BNC2: variants seen among roughly 807,000 people sequenced by gnomAD.
BNC2 encodes the protein zinc finger protein basonuclin-2.
In BNC2, 20 loss-of-function variants were observed where a neutral mutation model predicts 76.3. The observed-to-expected ratio is 0.26, with a 90% CI of 0.18 to 0.38. The LOEUF (loss-of-function observed/expected upper bound fraction) is 0.38, where lower values mean the gene tolerates loss of function less well. Ranked by LOEUF, BNC2 falls within the 10% of genes least tolerant of loss-of-function variation. The probability of loss-of-function intolerance (pLI) is 1.00; values close to 1 mark genes in which losing one functional copy is unlikely to be tolerated. For synonymous variants in BNC2, 582 were observed against 514.8 expected (o/e 1.13, Z -1.77); for missense variants, 1,382 against 1,399.8 (o/e 0.99, Z 0.20).
At chr9:16,550,078 G>T (rs535790756) in intron 5 of BNC2, among the ~76,000 whole-genome samples, 1 of 152,000 alleles carries the variant, frequency 6.6e-6, no homozygotes, top group Admixed American at 6.6e-5. Flanking sequence ...TAAAATAAGA[G>T]ATTTATAAAT....
At chr9:16,546,794 C>T (rs956314372) in intron 5 of BNC2, among the ~76,000 whole-genome samples, 7 of 152,288 alleles carry the variant, frequency 4.6e-5, no homozygotes, top group Middle Eastern at 3.4e-3. Flanking sequence ...ACTGCATCTA[C>T]AGACTCTCAC....
intron 1 of BNC2, among the ~76,000 whole-genome samples, chr9:16,745,292 GCTC>G (rs1049771661): frequency 6.6e-6 from 1 of 152,124 alleles, no homozygotes; most frequent in African/African-American, 2.4e-5. Context: ...GTTTTGCTTG[GCTC>G]CTCCTAAGTG....
At chr9:16,819,656 C>CA (rs532516155) in intron 1 of BNC2, among the ~76,000 whole-genome samples, 97 of 149,206 alleles carry the variant, frequency 6.5e-4, no homozygotes, top group Middle Eastern at 3.5e-3. Context: ...GATTCCTTCT[C>CA]AAAAAAAAAG....
intron 1 of BNC2, among the ~76,000 whole-genome samples, chr9:16,829,045 C>G (rs1476866256): frequency 6.6e-6 from 1 of 152,074 alleles, no homozygotes; most frequent in Non-Finnish European, 1.5e-5. Context: ...GGAGCCGGCA[C>G]GAGGCACCAG....
chr9:16,475,187 C>G (rs1821902832), intron 5 of BNC2, among the ~76,000 whole-genome samples: 1 of 152,148 alleles, frequency 6.6e-6, no homozygotes, highest in East Asian at 1.9e-4. Context: ...TTTTTCCAAG[C>G]CATAATGTTA....
rs1314924898 is a variant in BNC2, at chr9:16,673,436, A to AC, written c.330+54360_330+54361insG. On this transcript the variant is annotated intron_variant, in intron 3 of 6. Coordinates refer to ENST00000380672, the MANE Select transcript of BNC2 (RefSeq NM_017637.6). ...CAGGGAACATTCTGAGATTTAAAAAAAAAAAAAACACACACACACACACAC... is the reference window on the plus strand; with the variant it reads ...CAGGGAACATTCTGAGATTTAAAAAACAAAAAAAACACACACACACACACAC... 3.0e-3 allele frequency among the ~76,000 whole-genome samples: 360 copies of AC among 121,720 alleles called. 1 individual carries two copies. The highest frequency in any genetic ancestry group is 0.015 in the African/African-American group (342 of 22,968). 79.9% of individuals were successfully genotyped at this position (121,720 alleles called of 152,430 possible). A position where few individuals can be genotyped will look rare whatever the true frequency, so the allele number is the denominator to read the frequency against.
At chr9:16,732,450 G>C (rs1824540010) in intron 2 of BNC2, among the ~76,000 whole-genome samples, 1 of 152,148 alleles carries the variant, frequency 6.6e-6, no homozygotes, top group Admixed American at 6.5e-5. Context: ...TTACTGCACT[G>C]AGAAAGTACT....
At chr9:16,834,133 T>C (rs1255009083) in intron 1 of BNC2, among the ~76,000 whole-genome samples, 1 of 152,154 alleles carries the variant, frequency 6.6e-6, no homozygotes, top group Non-Finnish European at 1.5e-5. Flanking sequence ...CTGAGTAATA[T>C]TCTATCTGAA....
chr9:16,742,533 T>C (rs61238834), intron 1 of BNC2, among the ~76,000 whole-genome samples: 7,789 of 152,208 alleles, frequency 0.051, 683 homozygotes, highest in African/African-American at 0.18. Flanking sequence ...GACAAAGACA[T>C]TCATCTACTA....
At chr9:16,547,714 G>A (rs1818529945) in intron 5 of BNC2, among the ~76,000 whole-genome samples, 1 of 152,176 alleles carries the variant, frequency 6.6e-6, no homozygotes, top group African/African-American at 2.4e-5. Flanking sequence ...AGGTATTCCA[G>A]GCAGAAGAAA....
intron 1 of BNC2, among the ~76,000 whole-genome samples, chr9:16,863,317 G>A (rs957954936): frequency 6.6e-6 from 1 of 152,204 alleles, no homozygotes; most frequent in Non-Finnish European, 1.5e-5. Context: ...CTGGGGGAAA[G>A]ACTATGAAAA....
chr9:16,663,130 C>CTTTTTTTTTTTTTTTTTTT lies in BNC2; in HGVS notation c.330+64666_330+64667insAAAAAAAAAAAAAAAAAAA, dbSNP rs71325979. 1.0e-3 allele frequency among the ~76,000 whole-genome samples: 100 copies of CTTTTTTTTTTTTTTTTTTT among 99,594 alleles called. 11 individuals carry two copies. The highest frequency in any genetic ancestry group is 2.5e-3 in the African/African-American group (70 of 27,934). The allele number at this position is 99,594 out of a possible 152,430, so 65.3% of individuals were successfully genotyped here. A position where few individuals can be genotyped will look rare whatever the true frequency, so the allele number is the denominator to read the frequency against. On this transcript the variant is annotated intron_variant, in intron 3 of 6. Coordinates refer to ENST00000380672, the MANE Select transcript of BNC2 (RefSeq NM_017637.6). Reference sequence around the variant, plus strand: ...CCATAGGCACTCCACTCTGTTTACTCTTTTTTTTTTTTTTTTGGAGACGGA... The same window carrying CTTTTTTTTTTTTTTTTTTT: ...CCATAGGCACTCCACTCTGTTTACTCTTTTTTTTTTTTTTTTTTTTTTTTTTTTTTTTTTTGGAGACGGA...
At chr9:16,596,215 G>A (rs973292243) in intron 3 of BNC2, among the ~76,000 whole-genome samples, 1 of 152,094 alleles carries the variant, frequency 6.6e-6, no homozygotes, top group Admixed American at 6.6e-5. Context: ...GAACAGTGTA[G>A]AGGAAGAAAT....
chr9:16,870,656 T>G lies in BNC2; in HGVS notation c.-8A>C, dbSNP rs750912788. 2.2e-5 allele frequency: 35 copies of G among 1,611,010 alleles called. No individual in the cohort carries two copies. Among genetic ancestry groups the G allele is most frequent in the Non-Finnish European group, 2.9e-5 (34 of 1,178,568 alleles). On this transcript the variant is annotated 5_prime_UTR_variant, in exon 1 of 7. An upstream start codon of the reference 5' UTR is lost. Transcript: ENST00000380672. ...GTGGAAACTTCTTACCATCTCGGCA[T>G]GCTGGTTGTCAAGTGCAGCCCCCGC...
chr9:16,848,855 G>T lies in BNC2; in HGVS notation c.3+21791C>A, dbSNP rs976841214. Among the ~76,000 whole-genome samples, 4 of 152,224 alleles carry T rather than the reference G, an allele frequency of 2.6e-5. No homozygotes were observed. The South Asian group carries it at 8.3e-4, about 32-fold the overall frequency. ...TCCACACCTGACACCATTGCTTTCT[G>T]ATGTCCACGTACACAAACTTTAATT... is the stretch of plus-strand genomic sequence containing the variant. On this transcript the variant is annotated intron_variant, in intron 1 of 6. Transcript: ENST00000380672.
chr9:16,661,196 C>T (rs537350349), intron 3 of BNC2, among the ~76,000 whole-genome samples: 15 of 152,122 alleles, frequency 9.9e-5, no homozygotes, highest in Admixed American at 2.0e-4. Context: ...TACCTCATTC[C>T]TGTATCATCA....
intron 5 of BNC2, among the ~76,000 whole-genome samples, chr9:16,504,712 T>A (rs1374855227): frequency 6.6e-6 from 1 of 152,152 alleles, no homozygotes; most frequent in Non-Finnish European, 1.5e-5. Context: ...CCAGGCACAG[T>A]AGGACATGCC....
intron 1 of BNC2, among the ~76,000 whole-genome samples, chr9:16,764,142 C>G (rs1433718917): frequency 1.3e-5 from 2 of 152,106 alleles, no homozygotes; most frequent in African/African-American, 4.8e-5. Context: ...TTTTTTGGCC[C>G]CAACCCACCC....
intron 3 of BNC2, among the ~76,000 whole-genome samples, chr9:16,657,451 T>C (rs1026505367): frequency 6.6e-6 from 1 of 152,064 alleles, no homozygotes; most frequent in Non-Finnish European, 1.5e-5. Context: ...TCCAGAGCTG[T>C]TGTTGTGGAG....
Sources: gnomAD v4.1 joint callset for allele counts (sites outside exome capture counted in the v4.1 genomes callset) on GRCh38, gnomAD v4.1.1 for gene constraint, MANE v1.5 for transcripts, NCBI Gene and HGNC (gene_info 2026-07-23, HGNC 2026-07-21) for gene names.